The following SSH1 variants were observed in gnomAD, a reference collection of about 807,000 sequenced individuals.
The protein encoded by SSH1 is slingshot protein phosphatase 1.
In SSH1, 43 loss-of-function variants were observed where a neutral mutation model predicts 79.7. The observed-to-expected ratio is 0.54, with a 90% CI of 0.42 to 0.70. The LOEUF (loss-of-function observed/expected upper bound fraction) is 0.70. Ranked by LOEUF, SSH1 falls within the 30% of genes least tolerant of loss-of-function variation. SSH1 has a pLI of 0.00. For synonymous variants in SSH1, 599 were observed against 538.3 expected (o/e 1.11, Z -1.56); for missense variants, 1,206 against 1,358.8 (o/e 0.89, Z 1.77).
intron 2 of SSH1, among the ~76,000 whole-genome samples, chr12:108,847,376 C>CT (rs1264152007): frequency 6.6e-6 from 1 of 152,124 alleles, no homozygotes; most frequent in Non-Finnish European, 1.5e-5. Flanking sequence ...CAGAACCCCA[C>CT]TGCCTTCCCT....
intron 13 of SSH1, among the ~76,000 whole-genome samples, chr12:108,794,322 C>T (rs2036648184): frequency 6.6e-6 from 1 of 152,224 alleles, no homozygotes; most frequent in African/African-American, 2.4e-5. Context: ...TCCCCCACCA[C>T]CCCGTGTGGG....
Position 108,823,374 on chromosome 12 carries a change from A to C in SSH1, c.111-13T>G, listed in dbSNP as rs370475643. The C allele has an allele frequency of 1.3e-5, 20 of 1,556,420 alleles. No individual in the cohort carries two copies. The African/African-American group carries it at 2.6e-4, about 20-fold the overall frequency. On this transcript the variant is annotated splice_polypyrimidine_tract_variant and intron_variant, in intron 2 of 14. Coordinates refer to ENST00000326495, the MANE Select transcript of SSH1 (RefSeq NM_018984.4). The stretch of plus-strand genomic sequence containing the variant: ...GCTCTCACTTAAGCTGGGAAGGATA[A>C]GACCAGAGCACAGTTAGACCGGAAT...
intron 2 of SSH1, among the ~76,000 whole-genome samples, chr12:108,842,305 G>T (rs60564950): frequency 0.012 from 1,819 of 152,232 alleles, 37 homozygotes; most frequent in African/African-American, 0.041. Context: ...GGAGTCAATG[G>T]GAGGCCACTA....
chr12:108,808,285 A>G lies in SSH1; in HGVS notation c.537-458T>C, dbSNP rs533860653. Among the ~76,000 whole-genome samples the G allele has an allele frequency of 1.3e-3, 204 of 152,344 alleles. 1 individual carries two copies. The highest frequency in any genetic ancestry group is 4.8e-3 in the African/African-American group (199 of 41,566). On this transcript the variant is annotated intron_variant, in intron 7 of 14. Coordinates refer to ENST00000326495, the MANE Select transcript of SSH1 (RefSeq NM_018984.4). ...CTCACTCTTGGAGTCACACTTACAC[A>G]TACAGGCGGCTGGGGAATGCATATA... is the stretch of plus-strand genomic sequence containing the variant.
intron 2 of SSH1, among the ~76,000 whole-genome samples, chr12:108,835,932 C>A (rs190330635): frequency 1.4e-5 from 1 of 73,104 alleles, no homozygotes; most frequent in African/African-American, 5.6e-5. Context: ...TTAATATAAT[C>A]AATTATAACT....
At chr12:108,802,421 C>T (rs2037053920) in intron 10 of SSH1, 53 bp from the exon 11 acceptor site, 1 of 1,564,152 alleles carries the variant, frequency 6.4e-7, no homozygotes, top group Non-Finnish European at 8.8e-7. Context: ...AGCCTCAGAG[C>T]TGCTCAGGGG....
At chr12:108,848,017 C>T (rs531804381) in intron 2 of SSH1, among the ~76,000 whole-genome samples, 4 of 152,138 alleles carry the variant, frequency 2.6e-5, no homozygotes, top group East Asian at 1.9e-4. Flanking sequence ...ACGTGTGTGA[C>T]GGGGGAGCAG....
intron 13 of SSH1, among the ~76,000 whole-genome samples, chr12:108,795,975 A>G (rs898013106): frequency 5.2e-4 from 78 of 151,102 alleles, no homozygotes; most frequent in African/African-American, 1.8e-3. Context: ...TGATGCGATC[A>G]TGGCTCACTG....
intron 2 of SSH1, among the ~76,000 whole-genome samples, chr12:108,841,165 C>G (rs1444653101): frequency 6.6e-6 from 1 of 152,196 alleles, no homozygotes; most frequent in Non-Finnish European, 1.5e-5. Context: ...TCAAGATGGA[C>G]CCTAGGTTGT....
intron 10 of SSH1, 101 bp downstream of exon 10, chr12:108,804,955 T>G: frequency 1.3e-6 from 2 of 1,513,796 alleles, no homozygotes; most frequent in Non-Finnish European, 1.8e-6. Context: ...CAACTCAAGT[T>G]TTTTGCCTGC....
chr12:108,806,471 T>G (rs1266000961), intron 8 of SSH1, 77 bp from the exon 9 acceptor site: 3 of 1,315,014 alleles, frequency 2.3e-6, no homozygotes, highest in Admixed American at 3.4e-5. Context: ...TGCCAGATGC[T>G]CCTGGGTCTA....
At chr12:108,810,972 C>T (rs181719910) in intron 6 of SSH1, among the ~76,000 whole-genome samples, 1 of 152,360 alleles carries the variant, frequency 6.6e-6, no homozygotes, top group East Asian at 1.9e-4. Context: ...CTTAACCCAT[C>T]GAGGTGGCGG....
rs546863573 is a variant in SSH1, at chr12:108,806,372, C to T, written c.754G>A (p.Glu252Lys). Residue 252 changes from glutamate to lysine, a missense_variant, in exon 9 of 15, where the codon GAG (glutamate) becomes AAG (lysine). Physicochemically the swap from Glu to Lys is moderately conservative, Grantham distance 56 (BLOSUM62 1). This residue lies in a region of SSH1 where 116 missense variants were observed against 109.0 expected (regional missense o/e 1.06). Coordinates refer to ENST00000326495, the MANE Select transcript of SSH1 (RefSeq NM_018984.4). ...CGGAGCTTGGCTTTGATGAGGCGCT[C>T]GGTCCTTTCCCCTTCAGTGGGCCTG... Reference protein sequence around the residue: ...VDKPTEGERTERLIKAKLRSI... With the variant: ...VDKPTEGERTKRLIKAKLRSI... The T allele has an allele frequency of 2.8e-5, 45 of 1,614,118 alleles. No homozygotes were observed. Among genetic ancestry groups the T allele is most frequent in the South Asian group, 1.4e-4 (13 of 91,078 alleles).
intron 3 of SSH1, among the ~76,000 whole-genome samples, chr12:108,819,178 T>C (rs983704318): frequency 6.6e-5 from 10 of 152,230 alleles, no homozygotes; most frequent in African/African-American, 2.2e-4. Context: ...GAGAAATAAT[T>C]TGAATAGAAA....
rs529542851 is a variant in SSH1, at chr12:108,787,755, C to T, written c.*233G>A. The stretch of plus-strand genomic sequence containing the variant: ...ACGGTGGGAGCGGAGTTTTGTGTCT[C>T]CTGGCCGGCGGCTCCTGGTTCTCCC... On this transcript the variant is annotated 3_prime_UTR_variant, in exon 15 of 15. Transcript: ENST00000326495. 30 of 584,216 alleles carry T rather than the reference C, an allele frequency of 5.1e-5. No individual in the cohort carries two copies. The African/African-American group carries it at 5.4e-4, about 11-fold the overall frequency. 36.2% of individuals were successfully genotyped at this position (584,216 alleles called of 1,614,324 possible).
intron 14 of SSH1, among the ~76,000 whole-genome samples, chr12:108,790,780 A>G (rs569561892): frequency 1.2e-3 from 181 of 152,358 alleles, no homozygotes; most frequent in Non-Finnish European, 2.2e-3. Context: ...TCAGGACCCC[A>G]AGTGCCCCCA....
chr12:108,824,662 A>T (rs1038767249), intron 2 of SSH1, among the ~76,000 whole-genome samples: 1 of 152,032 alleles, frequency 6.6e-6, no homozygotes, highest in Non-Finnish European at 1.5e-5. Flanking sequence ...AATTACAATT[A>T]AAAAATGTTT....
intron 2 of SSH1, among the ~76,000 whole-genome samples, chr12:108,846,697 T>C (rs1484066844): frequency 1.3e-5 from 2 of 152,204 alleles, no homozygotes; most frequent in Non-Finnish European, 2.9e-5. Context: ...TTGCATCTTA[T>C]AGGAATGTAG....
At chr12:108,827,187 C>T in intron 2 of SSH1, 2 of 1,429,522 alleles carry the variant, frequency 1.4e-6, no homozygotes, top group Admixed American at 2.6e-5. Context: ...CCCCAGGCCC[C>T]CAAAATATAA....
Sources: gnomAD v4.1 joint callset for allele counts (sites outside exome capture counted in the v4.1 genomes callset) on GRCh38, gnomAD v4.1.1 for gene constraint, gnomAD v4.1.1 regional missense constraint, MANE v1.5 for transcripts, NCBI Gene and HGNC (gene_info 2026-07-23, HGNC 2026-07-21) for gene names.